RASA1: variants seen among roughly 807,000 people sequenced by gnomAD.
RASA1 encodes the protein RAS p21 protein activator 1, also known as ras GTPase-activating protein 1.
In RASA1, 25 loss-of-function variants were observed where a neutral mutation model predicts 132.2. The observed-to-expected ratio is 0.19, with a 90% confidence interval of 0.14 to 0.26. The LOEUF (loss-of-function observed/expected upper bound fraction) is 0.26, where lower values mean the gene tolerates loss of function less well. Ranked by LOEUF, RASA1 falls within the 10% of genes least tolerant of loss-of-function variation. The pLI is 1.00. For synonymous variants in RASA1, 477 were observed against 449.9 expected, an observed-to-expected ratio of 1.06 and a Z score of -0.76; for missense variants, 964 against 1,299.2, an observed-to-expected ratio of 0.74 and a Z score of 3.97.
At chr5:87,296,020 T>C (rs139047973) in intron 1 of RASA1, among the ~76,000 whole-genome samples, 6 of 152,300 alleles carry the variant, frequency 3.9e-5, no homozygotes, top group Non-Finnish European at 7.3e-5. Flanking sequence ...TTTTGCCATG[T>C]TGGCCAGGCT....
intron 17 of RASA1, 97 bp downstream of exon 17, chr5:87,377,137 A>T: frequency 7.0e-7 from 1 of 1,428,344 alleles, no homozygotes. Flanking sequence ...AAATTGTTAA[A>T]TTATATTGCA....
At chr5:87,312,294 G>C in intron 1 of RASA1, among the ~76,000 whole-genome samples, 1 of 152,242 alleles carries the variant, frequency 6.6e-6, no homozygotes, top group South Asian at 2.1e-4. Context: ...AAACAGATAA[G>C]GAAATCTGTC....
Position 87,376,213 on chromosome 5 carries a change from A to C in RASA1, c.2012-180A>C, listed in dbSNP as rs537047054. The C allele has an allele frequency of 5.2e-5, 36 of 686,850 alleles. No individual in the cohort carries two copies. In the African/African-American group the frequency reaches 6.3e-4, roughly 12 times the overall value. The allele number at this position is 686,850 out of a possible 1,614,324, so 42.5% of individuals were successfully genotyped here. ...CTGTACTCTCTACCTATCAGAGTTT[A>C]GTGCACCGTAGACACTCAGTAAATA... is the stretch of plus-strand genomic sequence containing the variant. On this transcript the variant is annotated intron_variant, in intron 15 of 24. Transcript: ENST00000274376.
At chr5:87,304,869 A>G (rs1188451129) in intron 1 of RASA1, among the ~76,000 whole-genome samples, 2 of 134,444 alleles carry the variant, frequency 1.5e-5, no homozygotes, top group Non-Finnish European at 3.1e-5. Flanking sequence ...TTTATGCTGC[A>G]TTTCCATTCT....
At chr5:87,373,555 G>A (rs1189367192) in intron 13 of RASA1, among the ~76,000 whole-genome samples, 1 of 152,020 alleles carries the variant, frequency 6.6e-6, no homozygotes, top group Non-Finnish European at 1.5e-5. Context: ...AGGCTTAGAG[G>A]GACGGATTTG....
chr5:87,336,698 A>G (rs1451532493), intron 4 of RASA1, among the ~76,000 whole-genome samples: 1 of 152,124 alleles, frequency 6.6e-6, no homozygotes, highest in Non-Finnish European at 1.5e-5. Flanking sequence ...TTTAACTAAG[A>G]AATGAAATTT....
At chr5:87,373,359 A>G (rs1761089777) in intron 13 of RASA1, among the ~76,000 whole-genome samples, 1 of 152,162 alleles carries the variant, frequency 6.6e-6, no homozygotes, top group African/African-American at 2.4e-5. Context: ...GGGGGCATGC[A>G]TAGATTTTAT....
At chr5:87,383,818 T>C in intron 21 of RASA1, 38 bp downstream of exon 21, 1 of 1,521,988 alleles carries the variant, frequency 6.6e-7, no homozygotes, top group Non-Finnish European at 9.1e-7. Flanking sequence ...TTCAAAATAT[T>C]AGAATTAACA....
chr5:87,344,034 T>C (rs1410872607), intron 6 of RASA1, among the ~76,000 whole-genome samples: 1 of 151,916 alleles, frequency 6.6e-6, no homozygotes, highest in Non-Finnish European at 1.5e-5. Context: ...CTCAGGGAGA[T>C]AGATAGTAGA....
intron 1 of RASA1, among the ~76,000 whole-genome samples, chr5:87,323,416 A>C (rs1403427873): frequency 1.3e-5 from 2 of 152,126 alleles, no homozygotes; most frequent in Admixed American, 1.3e-4. Flanking sequence ...TTTGAGGGAG[A>C]GAGTGGATAA....
intron 6 of RASA1, among the ~76,000 whole-genome samples, 158 bp downstream of exon 6, chr5:87,341,479 T>TC (rs1269145155): frequency 1.3e-5 from 2 of 152,128 alleles, no homozygotes; most frequent in Non-Finnish European, 2.9e-5. Flanking sequence ...TTCTTAAGGA[T>TC]CTAGTGATAA....
At chr5:87,335,689 G>A (rs1258476348) in intron 4 of RASA1, among the ~76,000 whole-genome samples, 1 of 152,186 alleles carries the variant, frequency 6.6e-6, no homozygotes, top group South Asian at 2.1e-4. Flanking sequence ...GCCTCCCAAA[G>A]TGCTGGGATT....
At chr5:87,384,119 C>T (rs1022356179) in intron 21 of RASA1, among the ~76,000 whole-genome samples, 7 of 152,034 alleles carry the variant, frequency 4.6e-5, no homozygotes, top group African/African-American at 1.7e-4. Context: ...TTGCTTAGCC[C>T]ATTGCTAGAC....
Position 87,331,411 on chromosome 5 carries a change from T to C in RASA1, c.603T>C (p.Ser201=), listed in dbSNP as rs1757590742. The C allele has an allele frequency of 6.2e-7, 1 of 1,613,696 alleles. No homozygotes were observed. Among genetic ancestry groups the C allele is most frequent in the South Asian group, 1.1e-5 (1 of 91,078 alleles). ...AEERLRQAGK[S]GSYLIRESDR... is the part of the protein sequence containing the mutation. ...AACGCCTCAGGCAGGCAGGGAAGTC[T>C]GGCAGTTATCTTATAAGAGAGAGTG... Residue 201 remains serine (S), a synonymous_variant, in exon 2 of 25, where the codon TCT becomes TCC. Transcript: ENST00000274376.
intron 4 of RASA1, among the ~76,000 whole-genome samples, chr5:87,333,553 G>A (rs1462693835): frequency 3.9e-5 from 6 of 152,168 alleles, no homozygotes; most frequent in African/African-American, 1.4e-4. Flanking sequence ...AATATGATAG[G>A]AGAAATAGTT....
At chr5:87,348,151 A>G (rs1758995950) in intron 7 of RASA1, among the ~76,000 whole-genome samples, 1 of 152,022 alleles carries the variant, frequency 6.6e-6, no homozygotes, top group African/African-American at 2.4e-5. Flanking sequence ...AGCCCATATT[A>G]TACAATCAAT....
intron 6 of RASA1, among the ~76,000 whole-genome samples, 200 bp from the exon 7 acceptor site, chr5:87,346,472 C>T (rs1758867892): frequency 6.6e-6 from 1 of 151,650 alleles, no homozygotes; most frequent in South Asian, 2.1e-4. Context: ...TTGATAGTTT[C>T]TAGTTTTACT....
chr5:87,369,443 A>G (rs1473402381), intron 11 of RASA1, among the ~76,000 whole-genome samples: 1 of 152,138 alleles, frequency 6.6e-6, no homozygotes, highest in African/African-American at 2.4e-5. Flanking sequence ...ATTACTTAGA[A>G]CATTTTTGGT....
At chr5:87,341,637 A>G (rs1758469942) in intron 6 of RASA1, among the ~76,000 whole-genome samples, 1 of 152,100 alleles carries the variant, frequency 6.6e-6, no homozygotes, top group Admixed American at 6.6e-5. Flanking sequence ...TTTCTTGGTT[A>G]TTCATAGTAT....
Sources: allele counts gnomAD v4.1 joint callset (sites outside exome capture counted in the v4.1 genomes callset), GRCh38; gene constraint gnomAD v4.1.1; transcripts MANE v1.5; gene names NCBI Gene and HGNC (gene_info 2026-07-23, HGNC 2026-07-21).